LHX8: variants seen among roughly 807,000 people sequenced by gnomAD.
The protein encoded by LHX8 is LIM/homeobox protein Lhx8.
A neutral mutation model predicts 40.3 loss-of-function variants in LHX8; 12 were observed. The ratio of observed to expected loss-of-function variants is 0.30; its 90% confidence interval spans 0.19 to 0.48. The LOEUF (loss-of-function observed/expected upper bound fraction) is 0.48. Ranked by LOEUF, LHX8 falls within the 20% of genes least tolerant of loss-of-function variation. The pLI is 0.99. For missense variants in LHX8, 344 were observed against 433.7 expected (o/e 0.79, Z 1.84); for synonymous variants, 179 against 162.0 (o/e 1.10, Z -0.80).
the LHX8 span, among the ~76,000 whole-genome samples, chr1:75,169,526 G>A: frequency 3.0e-4 from 46 of 152,138 alleles, no homozygotes; most frequent in African/African-American, 1.1e-3. Flanking sequence ...CTCTGAAGTG[G>A]AAAAGGGGCT....
chr1:75,141,909 T>C (rs1557488063), intron 4 of LHX8, among the ~76,000 whole-genome samples: 1 of 152,112 alleles, frequency 6.6e-6, no homozygotes, highest in East Asian at 1.9e-4. Context: ...TGTACTCCAT[T>C]TCAAAAAATG....
rs982386836 is a variant in LHX8, at chr1:75,143,266, G to A, written c.508G>A (p.Val170Met). 6.2e-7 allele frequency: 1 copy of A among 1,613,802 alleles called. No homozygotes were observed. The highest frequency in any genetic ancestry group is 1.3e-5 in the African/African-American group (1 of 75,026). ...TTCCACAGGAGAGGAGTTTGCTTTG[G>A]TGGAAGAGAAAGTCCTCTGCAGAGT... Reference protein sequence around the residue: ...QLSTGEEFALVEEKVLCRVHY... With the variant: ...QLSTGEEFALMEEKVLCRVHY... The change falls in exon 5 of 9, where the codon GTG (valine) becomes ATG (methionine). Residue 170 changes from valine (V) to methionine (M), a missense_variant. Val to Met is a conservative substitution (Grantham distance 21). Coordinates refer to ENST00000356261, the MANE Select transcript of LHX8 (RefSeq NM_001256114.2).
chr1:75,149,038 A>G (rs954224558), intron 7 of LHX8, among the ~76,000 whole-genome samples: 1 of 152,214 alleles, frequency 6.6e-6, no homozygotes, highest in African/African-American at 2.4e-5. Context: ...CATTTGTCAA[A>G]TGAGTCTTTG....
chr1:75,142,376 CAA>C (rs1490819982), intron 4 of LHX8, among the ~76,000 whole-genome samples: 1 of 152,066 alleles, frequency 6.6e-6, no homozygotes, highest in African/African-American at 2.4e-5. Context: ...GGAGACATAA[CAA>C]AGAGTTCCAG....
At chr1:75,196,314 T>C in the LHX8 span, among the ~76,000 whole-genome samples, 1 of 152,134 alleles carries the variant, frequency 6.6e-6, no homozygotes, top group Non-Finnish European at 1.5e-5. Flanking sequence ...TTCATGGAGC[T>C]GTGCTGCATG....
chr1:75,137,506 G>A (rs1326411834), intron 3 of LHX8, among the ~76,000 whole-genome samples: 1 of 152,156 alleles, frequency 6.6e-6, no homozygotes, highest in Non-Finnish European at 1.5e-5. Context: ...TGGACGCGCC[G>A]GATGTGTGTG....
chr1:75,137,337 C>T (rs972093197), intron 3 of LHX8, 76 bp downstream of exon 3: 6 of 1,427,998 alleles, frequency 4.2e-6, no homozygotes, highest in Middle Eastern at 1.8e-4. Context: ...AGTAATGTTC[C>T]TCCCACCAAC....
intron 3 of LHX8, 96 bp from the exon 4 acceptor site, chr1:75,140,889 A>G: frequency 8.5e-7 from 1 of 1,176,812 alleles, no homozygotes; most frequent in Non-Finnish European, 1.3e-6. Context: ...ATGTGTTAAT[A>G]TATTAAGGGG....
At chr1:75,169,160 TCTCCCCTA>T in the LHX8 span, among the ~76,000 whole-genome samples, 1 of 151,998 alleles carries the variant, frequency 6.6e-6, no homozygotes, top group African/African-American at 2.4e-5. Context: ...TCTCCTACCC[TCTCCCCTA>T]CTCCCCTACT....
Position 75,134,834 on chromosome 1 carries a change from A to G in LHX8, c.-133A>G, listed in dbSNP as rs1481400749. 1 of 682,982 alleles carries G rather than the reference A, an allele frequency of 1.5e-6. No individual in the cohort carries two copies. The highest frequency in any genetic ancestry group is 1.8e-6 in the Non-Finnish European group (1 of 559,816). 42.3% of individuals were successfully genotyped at this position (682,982 alleles called of 1,614,324 possible). On this transcript the variant is annotated 5_prime_UTR_variant, in exon 1 of 9. Transcript: ENST00000356261. ...TCAGACCTGGCAATTTTTTTTTTTTATTACGTAGTAGCGTTAGTCAGTAAT... is the reference window on the plus strand; with the variant it reads ...TCAGACCTGGCAATTTTTTTTTTTTGTTACGTAGTAGCGTTAGTCAGTAAT...
intron 7 of LHX8, among the ~76,000 whole-genome samples, chr1:75,150,350 G>A (rs1003736138): frequency 6.6e-6 from 1 of 152,220 alleles, no homozygotes; most frequent in African/African-American, 2.4e-5. Flanking sequence ...CCTTTTAGCT[G>A]TGCTAATTAT....
chr1:75,157,589 G>T (rs1648805118), intron 8 of LHX8, among the ~76,000 whole-genome samples: 1 of 152,142 alleles, frequency 6.6e-6, no homozygotes, highest in African/African-American at 2.4e-5. Context: ...CCTCTCTTAT[G>T]TCTCCTTCCA....
chr1:75,182,179 C>A, the LHX8 span, among the ~76,000 whole-genome samples: 1 of 152,036 alleles, frequency 6.6e-6, no homozygotes, highest in African/African-American at 2.4e-5. Flanking sequence ...TTTTGTGTAA[C>A]GTGAGAGATG....
At chr1:75,167,165 G>A in the LHX8 span, among the ~76,000 whole-genome samples, 2 of 152,212 alleles carry the variant, frequency 1.3e-5, no homozygotes, top group Non-Finnish European at 2.9e-5. Flanking sequence ...ACATGGAGAA[G>A]TATCACAAAA....
intron 8 of LHX8, chr1:75,160,220 C>T (rs187181273): frequency 3.3e-5 from 5 of 152,524 alleles, no homozygotes; most frequent in Admixed American, 2.6e-4. Flanking sequence ...AAAATTTTGT[C>T]CAGATTTCCT....
rs1428431842 is a variant in LHX8, at chr1:75,143,157, C to T, written c.399C>T (p.Ile133=). The T allele has an allele frequency of 4.3e-6, 7 of 1,613,668 alleles. No individual in the cohort carries two copies. The African/African-American group carries it at 8.0e-5, about 18-fold the overall frequency. ...GCTGCTCTCGATGTGGGAGACACATCCATTCTACTGACTGGGTCCGGAGAG... is the reference window on the plus strand; with the variant it reads ...GCTGCTCTCGATGTGGGAGACACATTCATTCTACTGACTGGGTCCGGAGAG... ...GTRCSRCGRH[I]HSTDWVRRAK... Residue 133 remains isoleucine (I), a synonymous_variant, in exon 5 of 9, where the codon ATC becomes ATT. Transcript: ENST00000356261.
upstream of LHX8, among the ~76,000 whole-genome samples, chr1:75,129,604 C>G (rs142258929): frequency 6.6e-6 from 1 of 152,180 alleles, no homozygotes; most frequent in Non-Finnish European, 1.5e-5. Context: ...AAATGTCATC[C>G]AAGCCTGTGA....
chr1:75,151,173 T>A (rs769208144), intron 7 of LHX8, among the ~76,000 whole-genome samples: 2 of 152,152 alleles, frequency 1.3e-5, no homozygotes, highest in African/African-American at 2.4e-5. Flanking sequence ...AATTAACAAA[T>A]CACCTGTACG....
the LHX8 span, among the ~76,000 whole-genome samples, chr1:75,173,540 G>A: frequency 6.6e-6 from 1 of 151,466 alleles, no homozygotes; most frequent in Non-Finnish European, 1.5e-5. Context: ...CCACCACCAC[G>A]CCCAGCTAAT....
Sources: allele counts gnomAD v4.1 joint callset (sites outside exome capture counted in the v4.1 genomes callset), GRCh38; gene constraint gnomAD v4.1.1; transcripts MANE v1.5; gene names NCBI Gene and HGNC (gene_info 2026-07-23, HGNC 2026-07-21).